The following FAM81A variants were observed in gnomAD, a reference collection of about 807,000 sequenced individuals.
The protein encoded by FAM81A is protein FAM81A.
A neutral mutation model predicts 46.7 loss-of-function variants in FAM81A; 19 were observed. The observed-to-expected ratio is 0.41, with a 90% CI of 0.28 to 0.60. The LOEUF is 0.60. Among genes scored for constraint, FAM81A ranks in the 20% least tolerant of loss-of-function variants. FAM81A has a pLI of 0.34. For synonymous variants in FAM81A, 183 were observed against 152.9 expected, an observed-to-expected ratio of 1.20 and a Z score of -1.45; for missense variants, 377 against 453.5, an observed-to-expected ratio of 0.83 and a Z score of 1.53.
intron 3 of FAM81A, among the ~76,000 whole-genome samples, chr15:59,478,242 T>C (rs2081799029): frequency 6.6e-6 from 1 of 152,222 alleles, no homozygotes; most frequent in African/African-American, 2.4e-5. Flanking sequence ...TTAGTTCCCA[T>C]GTGCTCAACT....
At chr15:59,465,949 G>C (rs1784591204) in intron 3 of FAM81A, among the ~76,000 whole-genome samples, 1 of 152,096 alleles carries the variant, frequency 6.6e-6, no homozygotes, top group Non-Finnish European at 1.5e-5. Flanking sequence ...TGCGGTGTTT[G>C]GTTTTCTGTC....
intron 4 of FAM81A, among the ~76,000 whole-genome samples, chr15:59,505,315 C>T (rs2082137579): frequency 6.6e-6 from 1 of 152,088 alleles, no homozygotes; most frequent in South Asian, 2.1e-4. Flanking sequence ...AGTTTGAGAC[C>T]AGCCCGGCCA....
chr15:59,501,549 C>G (rs1426548409), intron 4 of FAM81A, among the ~76,000 whole-genome samples: 3 of 152,000 alleles, frequency 2.0e-5, no homozygotes, highest in African/African-American at 7.2e-5. Flanking sequence ...TTTTAAATGT[C>G]ATTGGGTTTG....
intron 3 of FAM81A, among the ~76,000 whole-genome samples, chr15:59,485,590 GCA>G (rs2081908366): frequency 6.6e-6 from 1 of 152,228 alleles, no homozygotes; most frequent in South Asian, 2.1e-4. Flanking sequence ...AGATATGGTT[GCA>G]GTGACCGAAA....
At chr15:59,515,020 G>A (rs1390789575) in intron 7 of FAM81A, among the ~76,000 whole-genome samples, 1 of 152,136 alleles carries the variant, frequency 6.6e-6, no homozygotes, top group Non-Finnish European at 1.5e-5. Context: ...TGAGGCGGGA[G>A]GATCGCTTGA....
intron 4 of FAM81A, among the ~76,000 whole-genome samples, chr15:59,505,434 C>T (rs548128676): frequency 6.6e-6 from 1 of 152,046 alleles, no homozygotes; most frequent in African/African-American, 2.4e-5. Context: ...ACGGCTTGAA[C>T]CCAGGAGGCA....
At chr15:59,483,120 C>T (rs866822101) in intron 3 of FAM81A, among the ~76,000 whole-genome samples, 2 of 152,080 alleles carry the variant, frequency 1.3e-5, no homozygotes, top group South Asian at 4.2e-4. Context: ...TCACTGCAAC[C>T]TCTGCCTCCT....
chr15:59,473,083 G>A (rs75243651), intron 3 of FAM81A, among the ~76,000 whole-genome samples: 9 of 152,100 alleles, frequency 5.9e-5, no homozygotes, highest in South Asian at 2.1e-4. Flanking sequence ...TAAATCTAAC[G>A]ACAGGTAAAA....
At chr15:59,417,895 T>G (rs973128604) in intron 2 of FAM81A, among the ~76,000 whole-genome samples, 1 of 152,040 alleles carries the variant, frequency 6.6e-6, no homozygotes, top group Non-Finnish European at 1.5e-5. Flanking sequence ...TACATTAGGT[T>G]TATCTCCTAA....
chr15:59,495,877 T>A lies in FAM81A; in HGVS notation c.413+3488T>A, dbSNP rs574154240. On this transcript the variant is annotated intron_variant, in intron 4 of 8. Transcript: ENST00000288228. ...TTAAATTGGGTAATTGTCTTTCTAT[T>A]ATTGAGCTGTAGGAGTTTTAAAAAT... Among the ~76,000 whole-genome samples, 6 of 152,344 alleles carry A rather than the reference T, an allele frequency of 3.9e-5. No homozygotes were observed. The East Asian group carries it at 9.6e-4, about 24-fold the overall frequency.
Position 59,459,949 on chromosome 15 carries a change from C to T in FAM81A, c.37C>T (p.Pro13Ser). ...NMHLRRVRTM[P>S]RHSQSLTMAP... is the part of the protein sequence containing the mutation. ...CTTCTGCAGGCGAGTGAGAACCATG[C>T]CCCGACACAGCCAGTCCCTGACCAT... The change falls in exon 3 of 9, where the codon CCC becomes TCC. Residue 13 changes from proline (P) to serine (S), a missense_variant. Coordinates refer to ENST00000288228, the MANE Select transcript of FAM81A (RefSeq NM_152450.3). The T allele has an allele frequency of 1.2e-6, 2 of 1,604,358 alleles. No homozygotes were observed. The highest frequency in any genetic ancestry group is 1.7e-6 in the Non-Finnish European group (2 of 1,174,386).
chr15:59,414,585 C>T (rs988732622), intron 2 of FAM81A, among the ~76,000 whole-genome samples: 1 of 152,074 alleles, frequency 6.6e-6, no homozygotes, highest in Non-Finnish European at 1.5e-5. Flanking sequence ...TGTTTTCTCT[C>T]CTGTGATGAG....
intron 7 of FAM81A, among the ~76,000 whole-genome samples, chr15:59,514,946 A>G (rs984357064): frequency 1.1e-4 from 16 of 152,154 alleles, no homozygotes; most frequent in African/African-American, 3.6e-4. Flanking sequence ...CTCAAAAACG[A>G]TATCAAGAAA....
intron 2 of FAM81A, among the ~76,000 whole-genome samples, chr15:59,403,808 C>T (rs1290835578): frequency 6.6e-6 from 1 of 151,896 alleles, no homozygotes; most frequent in African/African-American, 2.4e-5. Flanking sequence ...TCTTCCAAAT[C>T]TTAATAAACA....
chr15:59,400,779 G>A (rs1298723114), intron 1 of FAM81A, among the ~76,000 whole-genome samples: 1 of 152,114 alleles, frequency 6.6e-6, no homozygotes, highest in Non-Finnish European at 1.5e-5. Context: ...CTTTCATGGG[G>A]GAAGTCTAAA....
intron 2 of FAM81A, among the ~76,000 whole-genome samples, chr15:59,414,565 G>C (rs2081137335): frequency 1.3e-5 from 2 of 152,158 alleles, no homozygotes; most frequent in Admixed American, 1.3e-4. Context: ...TTGGTGTGGT[G>C]TTGGCTTCTT....
chr15:59,523,282 T>C lies in FAM81A; in HGVS notation c.*1904T>C, dbSNP rs60897206. On this transcript the variant is annotated 3_prime_UTR_variant, in exon 9 of 9. Coordinates refer to ENST00000288228, the MANE Select transcript of FAM81A (RefSeq NM_152450.3). The stretch of plus-strand genomic sequence containing the variant: ...ATGAGCCACCGCAGGTGTGCTCACC[T>C]TGGCTACATGTTGAAATCATCCAGA... 6 of 152,380 alleles carry C rather than the reference T, an allele frequency of 3.9e-5. No homozygotes were observed. The highest frequency in any genetic ancestry group is 1.4e-4 in the African/African-American group (6 of 41,570). The allele number at this position is 152,380 out of a possible 1,614,324, so 9.4% of individuals were successfully genotyped here.
chr15:59,520,850 C>T (rs1225835889), intron 8 of FAM81A, among the ~76,000 whole-genome samples: 1 of 152,178 alleles, frequency 6.6e-6, no homozygotes, highest in East Asian at 1.9e-4. Flanking sequence ...TGGCATGAGC[C>T]ACCGTACCAG....
At position 59,442,618 on chromosome 15, in the gene FAM81A, C is replaced by CAAAA. The variant is rs1196305104; in HGVS notation, c.-78+4355_-78+4358dup. Among the ~76,000 whole-genome samples, 596 of 76,000 alleles carry CAAAA rather than the reference C, an allele frequency of 7.8e-3. 2 individuals are homozygous for CAAAA. Among genetic ancestry groups the CAAAA allele is most frequent in the Non-Finnish European group, 9.2e-3 (342 of 36,976 alleles). The allele number at this position is 76,000 out of a possible 152,430, so 49.9% of individuals were successfully genotyped here. A position where few individuals can be genotyped will look rare whatever the true frequency, so the allele number is the denominator to read the frequency against. Reference sequence around the variant, plus strand: ...GGCGACAGAGCGAGACTCCGTCTCTCAAAAAAAAAAAAAAAAAAAAAAGAA... The same window carrying CAAAA: ...GGCGACAGAGCGAGACTCCGTCTCTCAAAAAAAAAAAAAAAAAAAAAAAAAAGAA... On this transcript the variant is annotated intron_variant, in intron 1 of 8. Transcript: ENST00000288228.
Sources: allele counts gnomAD v4.1 joint callset (sites outside exome capture counted in the v4.1 genomes callset), GRCh38; gene constraint gnomAD v4.1.1; transcripts MANE v1.5; gene names NCBI Gene and HGNC (gene_info 2026-07-23, HGNC 2026-07-21).